Variants in DLG2 observed in about 807,000 individuals in gnomAD.
DLG2 encodes the protein discs large MAGUK scaffold protein 2, also known as disks large homolog 2.
A neutral mutation model predicts 132.5 loss-of-function variants in DLG2; 45 were observed. That is an observed-to-expected ratio of 0.34 (90% CI 0.27 to 0.44). The LOEUF (loss-of-function observed/expected upper bound fraction) is 0.44, where lower values mean the gene tolerates loss of function less well. Ranked by LOEUF, DLG2 falls within the 20% of genes least tolerant of loss-of-function variation. The pLI, the probability that DLG2 is intolerant of heterozygous loss-of-function variation, is 1.00. For missense variants in DLG2, 1,045 were observed against 1,196.9 expected, an observed-to-expected ratio of 0.87 and a Z score of 1.87; for synonymous variants, 424 against 419.6, an observed-to-expected ratio of 1.01 and a Z score of -0.13.
At chr11:83,645,842 G>A (rs1471543540) in intron 18 of DLG2, 4 of 152,096 alleles carry the variant, frequency 2.6e-5, no homozygotes, top group African/African-American at 9.7e-5. Flanking sequence ...TACAGGGTAA[G>A]TTTTTTCCAT....
At chr11:84,646,973 TTGTGTGTGTAGG>T (rs2099675739) in intron 6 of DLG2, among the ~76,000 whole-genome samples, 1 of 152,144 alleles carries the variant, frequency 6.6e-6, no homozygotes, top group Non-Finnish European at 1.5e-5. Context: ...TATATGTGAC[TTGTGTGTGTAGG>T]TATTGAGAGA....
chr11:84,999,878 A>G (rs528070092), intron 6 of DLG2, among the ~76,000 whole-genome samples: 8 of 152,280 alleles, frequency 5.3e-5, no homozygotes, highest in African/African-American at 1.9e-4. Context: ...GCATACATGT[A>G]GAGATAAACA....
At chr11:83,696,982 G>T (rs10792691) in intron 18 of DLG2, among the ~76,000 whole-genome samples, 3 of 151,998 alleles carry the variant, frequency 2.0e-5, no homozygotes, top group Admixed American at 6.5e-5. Context: ...AGCACCTTCA[G>T]AAAAGCAGAT....
At chr11:83,952,079 T>A (rs1409398323) in intron 14 of DLG2, among the ~76,000 whole-genome samples, 1 of 152,152 alleles carries the variant, frequency 6.6e-6, no homozygotes, top group Non-Finnish European at 1.5e-5. Context: ...GTGTGGTAGC[T>A]CACACCTGTA....
intron 9 of DLG2, among the ~76,000 whole-genome samples, chr11:84,123,817 A>G (rs1458486113): frequency 2.6e-5 from 4 of 152,252 alleles, no homozygotes; most frequent in African/African-American, 4.8e-5. Context: ...CTCCATAAGC[A>G]GGTCTACTTA....
chr11:84,325,885 C>G (rs2098428366), intron 7 of DLG2, among the ~76,000 whole-genome samples: 1 of 152,050 alleles, frequency 6.6e-6, no homozygotes, highest in South Asian at 2.1e-4. Context: ...CCTAGGCTTT[C>G]CTTTGTGGGG....
intron 8 of DLG2, among the ~76,000 whole-genome samples, chr11:84,198,607 G>GA (rs1597250929): frequency 6.6e-6 from 1 of 151,900 alleles, no homozygotes; most frequent in African/African-American, 2.4e-5. Flanking sequence ...GTATTCTTAA[G>GA]AAAAAATATA....
intron 21 of DLG2, 104 bp downstream of exon 21, chr11:83,532,604 T>A (rs990526967): frequency 2.0e-5 from 18 of 902,690 alleles, no homozygotes; most frequent in Non-Finnish European, 2.8e-5. Context: ...CTCTACTGTC[T>A]GGTACCTTCA....
chr11:83,633,418 G>T, intron 18 of DLG2, 93 bp from the exon 19 acceptor site: 1 of 986,854 alleles, frequency 1.0e-6, no homozygotes, highest in Non-Finnish European at 1.6e-6. Flanking sequence ...CCACGTTGTT[G>T]GTTCCTTTGC....
chr11:84,288,213 TTAA>T (rs1332592979), intron 7 of DLG2, among the ~76,000 whole-genome samples: 2 of 152,102 alleles, frequency 1.3e-5, no homozygotes, highest in African/African-American at 2.4e-5. Context: ...TGAATAATAA[TTAA>T]TAATAATATT....
chr11:85,424,210 G>A (rs1565471866), intron 3 of DLG2, among the ~76,000 whole-genome samples: 1 of 152,166 alleles, frequency 6.6e-6, no homozygotes, highest in East Asian at 1.9e-4. Context: ...TGTGTTCAAG[G>A]GTGGATGATC....
intron 7 of DLG2, among the ~76,000 whole-genome samples, chr11:84,496,481 T>C (rs1379139332): frequency 6.6e-6 from 1 of 152,182 alleles, no homozygotes; most frequent in Non-Finnish European, 1.5e-5. Flanking sequence ...ATAACTTTTA[T>C]GGTGTGCATA....
chr11:84,228,749 C>T (rs1034453825), intron 8 of DLG2, among the ~76,000 whole-genome samples: 1 of 152,190 alleles, frequency 6.6e-6, no homozygotes, highest in Non-Finnish European at 1.5e-5. Flanking sequence ...AAGGACTACC[C>T]TACTACTGCT....
At chr11:84,126,226 G>C (rs1566614727) in intron 9 of DLG2, among the ~76,000 whole-genome samples, 1 of 152,100 alleles carries the variant, frequency 6.6e-6, no homozygotes, top group Admixed American at 6.6e-5. Context: ...AGGAGAATTA[G>C]TATAGTTACC....
At chr11:84,599,926 G>A (rs1472799609) in intron 6 of DLG2, among the ~76,000 whole-genome samples, 5 of 151,454 alleles carry the variant, frequency 3.3e-5, no homozygotes, top group African/African-American at 1.2e-4. Context: ...CAGCTACTTG[G>A]GAGGCTGAGG....
intron 7 of DLG2, among the ~76,000 whole-genome samples, chr11:84,278,409 A>T (rs908743613): frequency 6.6e-6 from 1 of 152,138 alleles, no homozygotes; most frequent in Non-Finnish European, 1.5e-5. Flanking sequence ...TAAAGAAAGA[A>T]ATAATAACGA....
chr11:85,412,635 A>G (rs1356251601), intron 3 of DLG2, among the ~76,000 whole-genome samples: 2 of 150,674 alleles, frequency 1.3e-5, no homozygotes, highest in Non-Finnish European at 3.0e-5. Flanking sequence ...TTTTCATTCT[A>G]TGTAATTTCA....
intron 7 of DLG2, among the ~76,000 whole-genome samples, chr11:84,347,102 C>T (rs1351262809): frequency 6.6e-6 from 1 of 152,098 alleles, no homozygotes; most frequent in African/African-American, 2.4e-5. Context: ...TCAATCACTT[C>T]TCTGGTAGAT....
At chr11:84,155,779 T>A (rs935254170) in intron 9 of DLG2, among the ~76,000 whole-genome samples, 1 of 152,130 alleles carries the variant, frequency 6.6e-6, no homozygotes, top group Non-Finnish European at 1.5e-5. Context: ...CTTCAAGATA[T>A]GAACTAGGGC....
Sources: gnomAD v4.1 joint callset for allele counts (sites outside exome capture counted in the v4.1 genomes callset) on GRCh38, gnomAD v4.1.1 for gene constraint, MANE v1.5 for transcripts, NCBI Gene and HGNC (gene_info 2026-07-23, HGNC 2026-07-21) for gene names.